AHNAK: variants seen among roughly 807,000 people sequenced by gnomAD.
AHNAK encodes neuroblast differentiation-associated protein AHNAK.
In AHNAK, 23 loss-of-function variants were observed where a neutral mutation model predicts 37.8. The observed-to-expected ratio is 0.61, with a 90% confidence interval of 0.44 to 0.86. The LOEUF is 0.86. Ranked by LOEUF, AHNAK falls within the 40% of genes least tolerant of loss-of-function variation. The pLI is 0.00. For synonymous variants in AHNAK, 2,481 were observed against 2,636.3 expected, an observed-to-expected ratio of 0.94 and a Z score of 1.80; for missense variants, 7,411 against 7,319.4, an observed-to-expected ratio of 1.01 and a Z score of -0.46.
At chr11:62,442,705 A>G (rs1188501004) in intron 5 of AHNAK, among the ~76,000 whole-genome samples, 1 of 151,664 alleles carries the variant, frequency 6.6e-6, no homozygotes. Flanking sequence ...ACCCATCTGT[A>G]CTAAGAATAC....
Position 62,504,318 on chromosome 11 carries a change from G to GC in AHNAK, c.343-12488dup, listed in dbSNP as rs572699748. 3.8e-3 allele frequency among the ~76,000 whole-genome samples: 572 copies of GC among 152,002 alleles called. 4 individuals are homozygous for GC. Among genetic ancestry groups the GC allele is most frequent in the African/African-American group, 0.013 (542 of 41,446 alleles). Reference sequence around the variant, plus strand: ...ACAAAAAGCCTAGCATCCCTGCCAGGCCCCCCAGCAAATTTACCCAGAGCT... The same window carrying GC: ...ACAAAAAGCCTAGCATCCCTGCCAGGCCCCCCCAGCAAATTTACCCAGAGCT... On this transcript the variant is annotated intron_variant, in intron 4 of 5. Transcript: ENST00000257247.
intron 5 of AHNAK, among the ~76,000 whole-genome samples, chr11:62,466,555 G>C (rs915367732): frequency 6.8e-6 from 1 of 147,768 alleles, no homozygotes; most frequent in Admixed American, 6.9e-5. Context: ...CAGCTGTCAA[G>C]TCCAAAAACT....
Position 62,535,195 on chromosome 11 carries a change from G to A in AHNAK, c.155-5C>T, listed in dbSNP as rs539120671. 1 of 1,603,098 alleles carries A rather than the reference G, an allele frequency of 6.2e-7. No homozygotes were observed. The highest frequency in any genetic ancestry group is 1.3e-5 in the African/African-American group (1 of 74,854). The stretch of plus-strand genomic sequence containing the variant: ...TGGCACCCACAATCTGGTCCCCTGA[G>A]CAGGGAAGAGCAGGAAGCAGGTAAG... On this transcript the variant is annotated splice_region_variant and splice_polypyrimidine_tract_variant and intron_variant, in intron 3 of 4. Transcript: ENST00000378024.
chr11:62,514,539 C>G (rs751014237), downstream of AHNAK, among the ~76,000 whole-genome samples: 26 of 152,156 alleles, frequency 1.7e-4, no homozygotes, highest in Non-Finnish European at 3.8e-4. Context: ...CATGCCAACT[C>G]TTGTGCTCTC....
intron 5 of AHNAK, among the ~76,000 whole-genome samples, chr11:62,463,446 C>G (rs926104312): frequency 6.3e-5 from 9 of 142,646 alleles, no homozygotes; most frequent in Non-Finnish European, 1.4e-4. Flanking sequence ...CTGCTCCGCT[C>G]CTCTCCTCCA....
Position 62,531,514 on chromosome 11 carries a change from A to T in AHNAK, c.2903T>A (p.Val968Glu). ...TTTCAGGTCCCCTTCCAGCTTTGGC[A>T]CTGTCATATCATATTCTCCCTTTAC... The part of the protein sequence containing the change: ...PKVKGEYDMT[V>E]PKLEGDLKGP... The change falls in exon 5 of 5, where the codon GTG becomes GAG. Residue 968 changes from valine (V) to glutamate (E), a missense_variant. Physicochemically the swap from Val to Glu is moderately radical, Grantham distance 121. Coordinates refer to ENST00000378024, the MANE Select transcript of AHNAK (RefSeq NM_001620.3). The T allele has an allele frequency of 6.2e-7, 1 of 1,614,200 alleles. No individual in the cohort carries two copies. Among genetic ancestry groups the T allele is most frequent in the Non-Finnish European group, 8.5e-7 (1 of 1,180,044 alleles).
intron 5 of AHNAK, among the ~76,000 whole-genome samples, chr11:62,445,306 T>C (rs997538744): frequency 6.6e-6 from 1 of 152,202 alleles, no homozygotes; most frequent in Non-Finnish European, 1.5e-5. Context: ...GTTGGGGCTA[T>C]TATTCATTTT....
Position 62,518,994 on chromosome 11 carries a change from G to C in AHNAK, c.15423C>G (p.Pro5141=), listed in dbSNP as rs1270235126. 2 of 1,614,162 alleles carry C rather than the reference G, an allele frequency of 1.2e-6. No homozygotes were observed. The highest frequency in any genetic ancestry group is 3.3e-5 in the Admixed American group (2 of 60,022). Residue 5141 remains proline, a synonymous_variant, in exon 5 of 5, where the codon CCC becomes CCG. Transcript: ENST00000378024. The part of the protein sequence containing the change: ...VEGLDIKAKA[P]KVKMPDVDIS... ...TGTCCACATCTGGCATCTTGACCTT[G>C]GGAGCCTTCGCCTTGATGTCAAGAC...
chr11:62,523,343 A>T lies in AHNAK; in HGVS notation c.11074T>A (p.Ser3692Thr). 1 of 1,613,114 alleles carries T rather than the reference A, an allele frequency of 6.2e-7. No individual in the cohort carries two copies. The highest frequency in any genetic ancestry group is 8.5e-7 in the Non-Finnish European group (1 of 1,179,666). Residue 3692 changes from serine to threonine, a missense_variant, in exon 5 of 5, where the codon TCT becomes ACT. Coordinates refer to ENST00000378024, the MANE Select transcript of AHNAK (RefSeq NM_001620.3). ...GPKMKGDVVV[S>T]LPKVEGDLKG... ...AGATCACCTTCCACTTTGGGCAAAG[A>T]CACAACCACATCACCCTTCATTTTG...
chr11:62,538,815 C>T (rs368355070), intron 1 of AHNAK, among the ~76,000 whole-genome samples: 1 of 152,202 alleles, frequency 6.6e-6, no homozygotes, highest in East Asian at 1.9e-4. Flanking sequence ...GGCTTGGGAG[C>T]CTTCTAGGGG....
At chr11:62,488,424 G>A (rs191615010) in intron 5 of AHNAK, among the ~76,000 whole-genome samples, 2 of 151,000 alleles carry the variant, frequency 1.3e-5, no homozygotes, top group Non-Finnish European at 2.9e-5. Flanking sequence ...TTTCCAAGAC[G>A]GAGTTTCGCT....
chr11:62,514,972 G>A (rs1939981032), downstream of AHNAK, among the ~76,000 whole-genome samples: 1 of 152,154 alleles, frequency 6.6e-6, no homozygotes, highest in African/African-American at 2.4e-5. Context: ...GAGGTGCAGA[G>A]CTGCCTCCAC....
At position 62,524,540 on chromosome 11, in the gene AHNAK, T is replaced by C. The variant is rs1590661692; in HGVS notation, c.9877A>G (p.Ile3293Val). The C allele has an allele frequency of 6.2e-7, 1 of 1,614,174 alleles. No individual in the cohort carries two copies. Among genetic ancestry groups the C allele is most frequent in the East Asian group, 2.2e-5 (1 of 44,894 alleles). ...TTCAAGTCAATTTCTGGCATGGAGATCTTGGGCATGTTTACATGCATGTCA... is the reference window on the plus strand; with the variant it reads ...TTCAAGTCAATTTCTGGCATGGAGACCTTGGGCATGTTTACATGCATGTCA... ...MPDMHVNMPK[I>V]SMPEIDLNLK... The change falls in exon 5 of 5, where the codon ATC (isoleucine) becomes GTC (valine). Residue 3293 changes from isoleucine to valine, a missense_variant. Coordinates refer to ENST00000378024, the MANE Select transcript of AHNAK (RefSeq NM_001620.3).
At chr11:62,534,494 TC>T (rs1290195837) in intron 4 of AHNAK, among the ~76,000 whole-genome samples, 2 of 152,156 alleles carry the variant, frequency 1.3e-5, no homozygotes, top group Non-Finnish European at 2.9e-5. Context: ...CTGAAAGCAC[TC>T]GTTGAGCCTA....
chr11:62,484,258 G>A (rs140635221), intron 5 of AHNAK, among the ~76,000 whole-genome samples: 21 of 150,912 alleles, frequency 1.4e-4, no homozygotes, highest in East Asian at 9.8e-4. Context: ...AGCACACACC[G>A]GTAGGTAGTC....
Position 62,529,317 on chromosome 11 carries a change from A to G in AHNAK, c.5100T>C (p.Asp1700=). The G allele has an allele frequency of 3.7e-6, 6 of 1,614,090 alleles. No individual in the cohort carries two copies. Among genetic ancestry groups the G allele is most frequent in the Non-Finnish European group, 5.1e-6 (6 of 1,180,020 alleles). The stretch of plus-strand genomic sequence containing the variant: ...GCCAATCTGGGTCGTGAACCTCCAC[A>G]TCTGGGGCATCAATGTCCACTTTGG... ...KGPKVDIDAP[D]VEVHDPDWHL... Residue 1700 remains aspartate, a synonymous_variant, in exon 5 of 5, where the codon GAT becomes GAC. Coordinates refer to ENST00000378024, the MANE Select transcript of AHNAK (RefSeq NM_001620.3).
chr11:62,516,466 A>C lies in AHNAK; in HGVS notation c.*278T>G. The C allele has an allele frequency of 2.3e-6, 3 of 1,306,926 alleles. No individual in the cohort carries two copies. Among genetic ancestry groups the C allele is most frequent in the Non-Finnish European group, 2.9e-6 (3 of 1,022,332 alleles). 81.0% of individuals were successfully genotyped at this position (1,306,926 alleles called of 1,614,324 possible). On this transcript the variant is annotated 3_prime_UTR_variant, in exon 5 of 5. Transcript: ENST00000378024. ...GCTTGCTTAGTAAACAGGAGCTCTC[A>C]GCAGTCAATGCAAAAAAATATATAT...
intron 5 of AHNAK, among the ~76,000 whole-genome samples, chr11:62,462,828 G>A (rs778475428): frequency 9.2e-5 from 14 of 152,142 alleles, no homozygotes; most frequent in Non-Finnish European, 1.9e-4. Context: ...TGTTAATTTA[G>A]TTTCAGAAGA....
chr11:62,440,131 C>G (rs1358058987), intron 5 of AHNAK, among the ~76,000 whole-genome samples: 8 of 152,180 alleles, frequency 5.3e-5, no homozygotes, highest in Non-Finnish European at 1.0e-4. Context: ...CTTCTTCCCA[C>G]CTCTCCACTC....
Sources: allele counts gnomAD v4.1 joint callset (sites outside exome capture counted in the v4.1 genomes callset), GRCh38; gene constraint gnomAD v4.1.1; transcripts MANE v1.5; gene names NCBI Gene and HGNC (gene_info 2026-07-23, HGNC 2026-07-21).